FOXO3: variants seen among roughly 807,000 people sequenced by gnomAD.
The protein encoded by FOXO3 is forkhead box O3.
FOXO3 carries 4 observed loss-of-function variants against 41.9 expected under a neutral mutation model. The observed-to-expected ratio is 0.10, with a 90% CI of 0.05 to 0.22. The LOEUF (loss-of-function observed/expected upper bound fraction) is 0.22. Among genes scored for constraint, FOXO3 ranks in the 10% least tolerant of loss-of-function variants. The pLI is 1.00. For synonymous variants in FOXO3, 318 were observed against 389.3 expected (o/e 0.82, Z 2.16); for missense variants, 534 against 906.8 (o/e 0.59, Z 5.28).
chr6:108,612,916 G>A (rs916049339), intron 1 of FOXO3, among the ~76,000 whole-genome samples: 1 of 152,038 alleles, frequency 6.6e-6, no homozygotes, highest in Non-Finnish European at 1.5e-5. Flanking sequence ...ATCAGGCTGA[G>A]GTAGTTTTCT....
chr6:108,573,253 C>T (rs542335726), intron 1 of FOXO3, among the ~76,000 whole-genome samples: 1 of 152,074 alleles, frequency 6.6e-6, no homozygotes, highest in South Asian at 2.1e-4. Flanking sequence ...TGCCACTGCA[C>T]TCCAGCCTGG....
At chr6:108,573,071 G>A (rs1013740632) in intron 1 of FOXO3, among the ~76,000 whole-genome samples, 2 of 152,128 alleles carry the variant, frequency 1.3e-5, no homozygotes, top group Non-Finnish European at 1.5e-5. Context: ...CGGATCACGA[G>A]GTCAGGAGAT....
intron 1 of FOXO3, among the ~76,000 whole-genome samples, chr6:108,582,018 C>T (rs1423525368): frequency 2.0e-5 from 3 of 152,092 alleles, no homozygotes; most frequent in South Asian, 2.1e-4. Context: ...AAAATATAGG[C>T]TGCATACTCT....
chr6:108,596,091 A>G (rs534768994), intron 1 of FOXO3, among the ~76,000 whole-genome samples: 1 of 152,246 alleles, frequency 6.6e-6, no homozygotes, highest in South Asian at 2.1e-4. Context: ...CCCAAAGCTT[A>G]TAACCTGTCA....
chr6:108,676,615 G>T (rs1407607133), intron 2 of FOXO3, among the ~76,000 whole-genome samples: 1 of 152,156 alleles, frequency 6.6e-6, no homozygotes, highest in Non-Finnish European at 1.5e-5. Flanking sequence ...CTAAATAACC[G>T]TATAACTAAA....
intron 1 of FOXO3, among the ~76,000 whole-genome samples, chr6:108,643,754 A>G (rs996396085): frequency 2.6e-5 from 4 of 152,218 alleles, no homozygotes; most frequent in Non-Finnish European, 4.4e-5. Context: ...TAACAGTGCT[A>G]TCGTCCAGAG....
At chr6:108,600,006 T>G (rs1022763073) in intron 1 of FOXO3, among the ~76,000 whole-genome samples, 7 of 152,192 alleles carry the variant, frequency 4.6e-5, no homozygotes, top group African/African-American at 1.7e-4. Context: ...CAGGTTTTAA[T>G]GGACTAAGAT....
At chr6:108,580,079 T>C (rs1415221447) in intron 1 of FOXO3, among the ~76,000 whole-genome samples, 1 of 152,162 alleles carries the variant, frequency 6.6e-6, no homozygotes, top group Admixed American at 6.5e-5. Flanking sequence ...TAACCTTAGA[T>C]TTATCTATCA....
At chr6:108,678,116 G>A (rs918421166) in intron 2 of FOXO3, among the ~76,000 whole-genome samples, 4 of 152,134 alleles carry the variant, frequency 2.6e-5, no homozygotes, top group Admixed American at 1.3e-4. Flanking sequence ...ACTAAGTCCT[G>A]CTGTGTTTGC....
intron 1 of FOXO3, among the ~76,000 whole-genome samples, chr6:108,569,840 A>G (rs1235622460): frequency 6.6e-6 from 1 of 152,104 alleles, no homozygotes; most frequent in Non-Finnish European, 1.5e-5. Flanking sequence ...AACAAACAGC[A>G]TACATTACCT....
At chr6:108,625,719 A>G (rs899588075) in intron 1 of FOXO3, among the ~76,000 whole-genome samples, 1 of 151,982 alleles carries the variant, frequency 6.6e-6, no homozygotes, top group Non-Finnish European at 1.5e-5. Flanking sequence ...ACCCAGCCCT[A>G]CCCTCCCTAC....
intron 1 of FOXO3, among the ~76,000 whole-genome samples, chr6:108,607,951 C>A (rs945983500): frequency 6.6e-6 from 1 of 152,122 alleles, no homozygotes. Context: ...AAGAACTAAT[C>A]TTTATAATTA....
At chr6:108,604,733 T>C (rs1481494431) in intron 1 of FOXO3, among the ~76,000 whole-genome samples, 1 of 152,150 alleles carries the variant, frequency 6.6e-6, no homozygotes, top group Admixed American at 6.5e-5. Flanking sequence ...CTTGTTGCTT[T>C]TTGCTTTTCA....
chr6:108,561,896 G>A, intron 1 of FOXO3, 67 bp downstream of exon 1: 1 of 1,478,348 alleles, frequency 6.8e-7, no homozygotes, highest in Non-Finnish European at 9.0e-7. Context: ...GACGCGTCTC[G>A]GATTCGTCGG....
intron 1 of FOXO3, among the ~76,000 whole-genome samples, chr6:108,639,094 A>G (rs1427022613): frequency 6.6e-6 from 1 of 152,146 alleles, no homozygotes; most frequent in Non-Finnish European, 1.5e-5. Flanking sequence ...CCCAGAGGAA[A>G]GATAACCTCA....
chr6:108,607,472 G>A (rs61541825), intron 1 of FOXO3, among the ~76,000 whole-genome samples: 19,496 of 150,142 alleles, frequency 0.13, 1,490 homozygotes, highest in South Asian at 0.27. Context: ...AAAAGAAGAA[G>A]GAGTTTCTGT....
chr6:108,603,687 G>A (rs1403880897), intron 1 of FOXO3, among the ~76,000 whole-genome samples: 1 of 152,080 alleles, frequency 6.6e-6, no homozygotes, highest in Non-Finnish European at 1.5e-5. Context: ...TCTGCTAATG[G>A]GGAGAGGAGG....
chr6:108,599,603 G>A (rs1776986691), intron 1 of FOXO3, among the ~76,000 whole-genome samples: 1 of 152,268 alleles, frequency 6.6e-6, no homozygotes, highest in African/African-American at 2.4e-5. Flanking sequence ...CCCGGGCTCA[G>A]TGTGCCAACT....
chr6:108,670,352 A>G (rs992514910), intron 2 of FOXO3, among the ~76,000 whole-genome samples: 6 of 152,026 alleles, frequency 3.9e-5, no homozygotes, highest in African/African-American at 1.2e-4. Context: ...TGAAGTTTAA[A>G]GTTTCAGAAA....
Sources: allele counts gnomAD v4.1 joint callset (sites outside exome capture counted in the v4.1 genomes callset), GRCh38; gene constraint gnomAD v4.1.1; transcripts MANE v1.5; gene names NCBI Gene and HGNC (gene_info 2026-07-23, HGNC 2026-07-21).